PAPPA: variants seen among roughly 807,000 people sequenced by gnomAD.
The protein encoded by PAPPA is pappalysin-1.
PAPPA carries 60 observed loss-of-function variants against 164.0 expected under a neutral mutation model. That is an observed-to-expected ratio of 0.37 (90% confidence interval 0.30 to 0.45). The LOEUF (loss-of-function observed/expected upper bound fraction) is 0.45, where lower values mean the gene tolerates loss of function less well. Among genes scored for constraint, PAPPA ranks in the 20% least tolerant of loss-of-function variants. The pLI is 1.00. For missense variants in PAPPA, 1,782 were observed against 2,087.3 expected (o/e 0.85, Z 2.85); for synonymous variants, 875 against 814.1 (o/e 1.07, Z -1.27).
At chr9:116,244,372 G>A (rs577958036) in intron 7 of PAPPA, among the ~76,000 whole-genome samples, 1 of 152,120 alleles carries the variant, frequency 6.6e-6, no homozygotes, top group African/African-American at 2.4e-5. Flanking sequence ...AAATTGAACC[G>A]ATAGTTCCAT....
chr9:116,230,577 T>G (rs1639675732), intron 6 of PAPPA, among the ~76,000 whole-genome samples: 3 of 152,226 alleles, frequency 2.0e-5, no homozygotes, highest in African/African-American at 7.2e-5. Flanking sequence ...TAATATTGCA[T>G]GGAGCTGTAA....
chr9:116,281,617 T>C (rs1215736706), intron 9 of PAPPA, among the ~76,000 whole-genome samples: 2 of 152,182 alleles, frequency 1.3e-5, no homozygotes, highest in African/African-American at 2.4e-5. Context: ...TTGATATTTA[T>C]GGAGAACCTG....
intron 7 of PAPPA, among the ~76,000 whole-genome samples, chr9:116,250,013 ATGTGTGTGTGTGTGTGTG>A (rs67162181): frequency 7.0e-6 from 1 of 143,548 alleles, no homozygotes; most frequent in South Asian, 2.3e-4. Context: ...GTACCTGCAT[ATGTGTGTGTGTGTGTGTG>A]TGTGTGTGTG....
In PAPPA at chr9:116,154,401, C is replaced by A; in HGVS notation, c.229C>A (p.Arg77=). 3 of 1,159,850 alleles carry A rather than the reference C, an allele frequency of 2.6e-6. No homozygotes were observed. Among genetic ancestry groups the A allele is most frequent in the South Asian group, 3.2e-5 (1 of 31,100 alleles). 71.8% of individuals were successfully genotyped at this position (1,159,850 alleles called of 1,614,324 possible). A position where few individuals can be genotyped will look rare whatever the true frequency, so the allele number is the denominator to read the frequency against. The change falls in exon 1 of 22, where the codon CGG becomes AGG. Residue 77 remains arginine (R), a synonymous_variant. Transcript: ENST00000328252. The surrounding 1 kb of genome is among the most constrained non-coding windows in gnomAD (Gnocchi z 5.2). ...CTGGGAAGCCGTGCGCGTCCCCCGG[C>A]GGCGGCAGCAGCGGGAGGCGAGGGG... ...GAWEAVRVPR[R]RQQREARGAT...
chr9:116,185,801 C>G (rs1463091760), intron 1 of PAPPA, among the ~76,000 whole-genome samples: 1 of 152,166 alleles, frequency 6.6e-6, no homozygotes, highest in African/African-American at 2.4e-5. Flanking sequence ...CCCAGAGTAA[C>G]TATAGAGATG....
chr9:116,207,990 G>A (rs986757033), intron 3 of PAPPA, among the ~76,000 whole-genome samples: 1 of 152,144 alleles, frequency 6.6e-6, no homozygotes, highest in Non-Finnish European at 1.5e-5. Context: ...TTCTCAGTCT[G>A]GTAACCACAC....
intron 6 of PAPPA, among the ~76,000 whole-genome samples, chr9:116,229,359 G>A (rs940799942): frequency 1.1e-4 from 16 of 152,200 alleles, no homozygotes; most frequent in African/African-American, 3.9e-4. Flanking sequence ...ATTCTCTCCT[G>A]AGAGTCCAGT....
intron 19 of PAPPA, among the ~76,000 whole-genome samples, chr9:116,372,609 G>A (rs1047562592): frequency 1.3e-5 from 2 of 152,036 alleles, no homozygotes; most frequent in Non-Finnish European, 2.9e-5. Flanking sequence ...CCCTTGCCCA[G>A]GGATGCTGAG....
intron 10 of PAPPA, chr9:116,316,253 G>A (rs1337840840): frequency 6.6e-6 from 1 of 152,254 alleles, no homozygotes; most frequent in African/African-American, 2.4e-5. Context: ...AGATATTAGA[G>A]TTTATGAAGG....
chr9:116,300,592 A>C (rs1845568806), intron 9 of PAPPA, among the ~76,000 whole-genome samples: 1 of 152,218 alleles, frequency 6.6e-6, no homozygotes, highest in South Asian at 2.1e-4. Context: ...CTCTTTTGAT[A>C]GTATTTCACT....
chr9:116,336,663 A>T (rs1056066315), intron 13 of PAPPA, among the ~76,000 whole-genome samples: 42 of 152,370 alleles, frequency 2.8e-4, no homozygotes, highest in Admixed American at 2.5e-3. Flanking sequence ...TTAACCACTG[A>T]AACATATCGA....
chr9:116,302,793 G>A lies in PAPPA; in HGVS notation c.2990G>A (p.Gly997Glu). 1.2e-6 allele frequency: 2 copies of A among 1,613,712 alleles called. No individual in the cohort carries two copies. The highest frequency in any genetic ancestry group is 1.7e-6 in the Non-Finnish European group (2 of 1,179,780). The stretch of plus-strand genomic sequence containing the variant: ...CGGTGCTATTTCCATGATGGTGATG[G>A]GGTATGTGAGGAGTTTGAACAAAAA... ...PSRCYFHDGD[G>E]VCEEFEQKTS... Residue 997 changes from glycine (G) to glutamate (E), a missense_variant, in exon 10 of 22, where the codon GGG becomes GAG. Coordinates refer to ENST00000328252, the MANE Select transcript of PAPPA (RefSeq NM_002581.5).
At chr9:116,374,739 C>T (rs1181889361) in intron 19 of PAPPA, among the ~76,000 whole-genome samples, 2 of 152,148 alleles carry the variant, frequency 1.3e-5, no homozygotes, top group Non-Finnish European at 2.9e-5. Flanking sequence ...TGCTGTTTTC[C>T]ACTTCTTGAA....
intron 7 of PAPPA, among the ~76,000 whole-genome samples, chr9:116,260,440 T>C (rs1587976655): frequency 6.6e-6 from 1 of 152,048 alleles, no homozygotes; most frequent in Non-Finnish European, 1.5e-5. Context: ...GGCTGGAGGG[T>C]TATATACAAA....
At chr9:116,212,442 C>A (rs1216597153) in intron 4 of PAPPA, among the ~76,000 whole-genome samples, 1 of 152,124 alleles carries the variant, frequency 6.6e-6, no homozygotes, top group African/African-American at 2.4e-5. Flanking sequence ...GGCCTTGGAG[C>A]CCTTTTAGCA....
chr9:116,279,555 T>C (rs1489800499), intron 9 of PAPPA, among the ~76,000 whole-genome samples: 1 of 151,976 alleles, frequency 6.6e-6, no homozygotes, highest in Non-Finnish European at 1.5e-5. Flanking sequence ...TTCCTGACTC[T>C]CAGGAAGGGG....
At chr9:116,236,886 G>A (rs986970451) in intron 7 of PAPPA, among the ~76,000 whole-genome samples, 3 of 152,282 alleles carry the variant, frequency 2.0e-5, no homozygotes, top group African/African-American at 7.2e-5. Context: ...TTGGAATTTC[G>A]TTCTGACTCC....
At chr9:116,252,709 T>C (rs529696310) in intron 7 of PAPPA, among the ~76,000 whole-genome samples, 90 of 152,316 alleles carry the variant, frequency 5.9e-4, no homozygotes, top group African/African-American at 1.6e-3. Context: ...TCTCCGTCAC[T>C]TGATGATTCA....
intron 21 of PAPPA, among the ~76,000 whole-genome samples, chr9:116,386,253 C>G (rs1846810300): frequency 6.6e-6 from 1 of 152,148 alleles, no homozygotes; most frequent in Admixed American, 6.5e-5. Flanking sequence ...AGTCACACTT[C>G]CTACAATTTA....
Sources: allele counts gnomAD v4.1 joint callset (sites outside exome capture counted in the v4.1 genomes callset), GRCh38; gene constraint gnomAD v4.1.1; non-coding constraint Gnocchi (gnomAD v3.1); transcripts MANE v1.5; gene names NCBI Gene and HGNC (gene_info 2026-07-23, HGNC 2026-07-21).